Variants in SYNE1 observed in about 807,000 individuals in gnomAD.
SYNE1 encodes the protein spectrin repeat containing nuclear envelope protein 1, also known as nesprin-1.
In SYNE1, 616 loss-of-function variants were observed where a neutral mutation model predicts 1,111.0. That is an observed-to-expected ratio of 0.55 (90% CI 0.52 to 0.59). The LOEUF (loss-of-function observed/expected upper bound fraction) is 0.59. Ranked by LOEUF, SYNE1 falls within the 20% of genes least tolerant of loss-of-function variation. SYNE1 has a pLI of 0.00. For missense variants in SYNE1, 10,006 were observed against 10,417.0 expected, an observed-to-expected ratio of 0.96 and a Z score of 1.72; for synonymous variants, 3,855 against 3,825.8, an observed-to-expected ratio of 1.01 and a Z score of -0.28.
At chr6:152,263,580 G>A (rs1382477617) in intron 100 of SYNE1, among the ~76,000 whole-genome samples, 1 of 148,946 alleles carries the variant, frequency 6.7e-6, no homozygotes, top group African/African-American at 2.5e-5. Context: ...TTAATTCTTT[G>A]TAGAGACAGG....
chr6:152,312,554 GAT>G lies in SYNE1; in HGVS notation c.16711-1683_16711-1682del, dbSNP rs201227923. Among the ~76,000 whole-genome samples the G allele has an allele frequency of 7.6e-3, 1,121 of 147,230 alleles. 9 individuals are homozygous for G. The highest frequency in any genetic ancestry group is 0.027 in the African/African-American group (1,077 of 40,508). ...TTAACACATAAATATATATAGTAAG[GAT>G]ATATATATATAATCTGTTAAATATA... On this transcript the variant is annotated intron_variant, in intron 87 of 145. Coordinates refer to ENST00000367255, the MANE Select transcript of SYNE1 (RefSeq NM_182961.4).
Position 152,613,838 on chromosome 6 carries a change from T to C in SYNE1, c.67+14427A>G, listed in dbSNP as rs185201442. Among the ~76,000 whole-genome samples, 504 of 152,256 alleles carry C rather than the reference T, an allele frequency of 3.3e-3. 4 individuals carry two copies. The highest frequency in any genetic ancestry group is 0.011 in the African/African-American group (475 of 41,548). ...GCCCTCAGAAATAACACCACACATC[T>C]ACAACCATCTGATCTTTGACAAACC... On this transcript the variant is annotated intron_variant, in intron 3 of 145. Transcript: ENST00000367255.
chr6:152,131,048 A>ATAT (rs2055456273), intron 144 of SYNE1, among the ~76,000 whole-genome samples: 5 of 152,226 alleles, frequency 3.3e-5, no homozygotes, highest in Non-Finnish European at 7.3e-5. Flanking sequence ...TTTTCATGGT[A>ATAT]GAAACACATG....
chr6:152,377,595 C>T (rs141606110), intron 56 of SYNE1, among the ~76,000 whole-genome samples: 1,657 of 83,698 alleles, frequency 0.02, 36 homozygotes, highest in African/African-American at 0.073. Flanking sequence ...GGGGACAGAA[C>T]GAAACTCCGT....
intron 8 of SYNE1, among the ~76,000 whole-genome samples, chr6:152,505,824 T>C (rs1290971154): frequency 9.6e-6 from 1 of 104,208 alleles, no homozygotes; most frequent in African/African-American, 5.4e-5. Flanking sequence ...TTAACCACTG[T>C]AAATTTTTGT....
At chr6:152,462,976 T>C in intron 19 of SYNE1, 86 bp from the exon 20 acceptor site, 1 of 1,488,242 alleles carries the variant, frequency 6.7e-7, no homozygotes, top group South Asian at 1.1e-5. Flanking sequence ...ACATATTCGC[T>C]GGAATTGTTA....
chr6:152,180,934 C>CT (rs11454864), intron 128 of SYNE1, among the ~76,000 whole-genome samples: 7,699 of 150,888 alleles, frequency 0.051, 406 homozygotes, highest in African/African-American at 0.13. Flanking sequence ...TCTTTTCCTT[C>CT]TTTTTTTTTC....
At chr6:152,608,254 A>G (rs116802427) in intron 3 of SYNE1, among the ~76,000 whole-genome samples, 1,822 of 152,344 alleles carry the variant, frequency 0.012, 30 homozygotes, top group African/African-American at 0.041. Flanking sequence ...AAAGGCACAT[A>G]ATGGACAAGG....
chr6:152,493,488 G>A (rs895450038), intron 11 of SYNE1, among the ~76,000 whole-genome samples: 2 of 151,444 alleles, frequency 1.3e-5, no homozygotes, highest in African/African-American at 2.4e-5. Context: ...CAGGGACAGC[G>A]CCCATTACTT....
Position 152,391,403 on chromosome 6 carries a change from G to T in SYNE1, c.7878C>A (p.His2626Gln), listed in dbSNP as rs138196409. 92 of 1,613,858 alleles carry T rather than the reference G, an allele frequency of 5.7e-5. 1 individual carries two copies. In the South Asian group the frequency reaches 9.7e-4, roughly 17 times the overall value. ...LRSCQVALQEHEALEEALQSM... is the reference protein window; with the variant it reads ...LRSCQVALQEQEALEEALQSM... ...TTTGCAGTGCTTCCTCCAGGGCTTCGTGCTCCTGAAGGGCCACCTGGCAGC... is the reference window on the plus strand; with the variant it reads ...TTTGCAGTGCTTCCTCCAGGGCTTCTTGCTCCTGAAGGGCCACCTGGCAGC... The change falls in exon 52 of 146, where the codon CAC becomes CAA. Residue 2626 changes from histidine (H) to glutamine (Q), a missense_variant. Physicochemically the swap from His to Gln is conservative, Grantham distance 24. Transcript: ENST00000367255.
chr6:152,185,194 A>C (rs1456470380), intron 128 of SYNE1: 1 of 152,230 alleles, frequency 6.6e-6, no homozygotes, highest in Non-Finnish European at 1.5e-5. Context: ...GGCTGTACAC[A>C]GGCACAACAA....
chr6:152,295,462 C>T (rs934363812), intron 93 of SYNE1, among the ~76,000 whole-genome samples: 3 of 152,180 alleles, frequency 2.0e-5, no homozygotes, highest in South Asian at 2.1e-4. Flanking sequence ...GCTGTCATCG[C>T]TCAGCTGGAC....
At chr6:152,189,202 C>T (rs1319532255) in intron 128 of SYNE1, 50 bp downstream of exon 128, 1 of 1,603,688 alleles carries the variant, frequency 6.2e-7, no homozygotes, top group Non-Finnish European at 8.5e-7. Flanking sequence ...TCAAATTCAT[C>T]TCCCAATTTT....
At chr6:152,145,351 T>C in intron 137 of SYNE1, 1 of 813,468 alleles carries the variant, frequency 1.2e-6, no homozygotes, top group Non-Finnish European at 2.1e-6. Flanking sequence ...TTTTTTCTAG[T>C]ACAGCAGTAA....
chr6:152,540,561 C>T (rs1278704863), intron 3 of SYNE1, among the ~76,000 whole-genome samples: 1 of 152,198 alleles, frequency 6.6e-6, no homozygotes, highest in African/African-American at 2.4e-5. Context: ...TCCAAAAATT[C>T]CCACCACATG....
At chr6:152,395,219 T>C (rs1443830649) in intron 51 of SYNE1, among the ~76,000 whole-genome samples, 1 of 152,148 alleles carries the variant, frequency 6.6e-6, no homozygotes, top group African/African-American at 2.4e-5. Context: ...ATTAACACAA[T>C]GTTTAAAGGC....
At position 152,330,577 on chromosome 6, in the gene SYNE1, T is replaced by A. The variant is rs536809904; in HGVS notation, c.14108A>T (p.Asp4703Val). ...AGAAAGAGCCTCCTCAACGGCCAGGTCGGTGGGAACTTTGCTCATCCTCAA... is the reference window on the plus strand; with the variant it reads ...AGAAAGAGCCTCCTCAACGGCCAGGACGGTGGGAACTTTGCTCATCCTCAA... ...QFLRMSKVPT[D>V]LAVEEALSLQ... Residue 4703 changes from aspartate (D) to valine (V), a missense_variant, in exon 78 of 146, where the codon GAC (aspartate) becomes GTC (valine). Asp to Val is a radical substitution (Grantham distance 152, BLOSUM62 -3). This residue lies in a region of SYNE1 where 4,955 missense variants were observed against 5,017.2 expected (regional missense o/e 0.99). Coordinates refer to ENST00000367255, the MANE Select transcript of SYNE1 (RefSeq NM_182961.4). 5 of 1,613,814 alleles carry A rather than the reference T, an allele frequency of 3.1e-6. No homozygotes were observed. The South Asian group carries it at 3.3e-5, about 11-fold the overall frequency.
intron 3 of SYNE1, among the ~76,000 whole-genome samples, chr6:152,603,788 T>G (rs935873322): frequency 1.4e-5 from 2 of 139,218 alleles, no homozygotes; most frequent in Non-Finnish European, 3.1e-5. Flanking sequence ...ATCTCTCTAT[T>G]TATTTTATAT....
intron 3 of SYNE1, among the ~76,000 whole-genome samples, chr6:152,627,370 C>G (rs2099687758): frequency 6.6e-6 from 1 of 151,942 alleles, no homozygotes; most frequent in African/African-American, 2.4e-5. Context: ...CAGAGAAGAG[C>G]AGCCGGGCAC....
Sources: allele counts gnomAD v4.1 joint callset (sites outside exome capture counted in the v4.1 genomes callset), GRCh38; gene constraint gnomAD v4.1.1; regional missense constraint gnomAD v4.1.1; transcripts MANE v1.5; gene names NCBI Gene and HGNC (gene_info 2026-07-23, HGNC 2026-07-21).